The following CSF1R variants were observed in gnomAD, a reference collection of about 807,000 sequenced individuals.
The protein encoded by CSF1R is macrophage colony-stimulating factor 1 receptor.
Under a neutral mutation model 110.0 loss-of-function variants are expected in CSF1R, and 40 were observed. The observed-to-expected ratio is 0.36, with a 90% CI of 0.28 to 0.47. The LOEUF is 0.47. CSF1R is among the 20% of genes least tolerant of loss of function. The probability of loss-of-function intolerance (pLI) is 0.99; values close to 1 mark genes in which losing one functional copy is unlikely to be tolerated. For missense variants in CSF1R, 1,052 were observed against 1,253.0 expected (o/e 0.84, Z 2.42); for synonymous variants, 523 against 503.4 (o/e 1.04, Z -0.52).
At chr5:150,071,832 T>C (rs1758046540) in intron 6 of CSF1R, among the ~76,000 whole-genome samples, 1 of 152,188 alleles carries the variant, frequency 6.6e-6, no homozygotes, top group Non-Finnish European at 1.5e-5. Flanking sequence ...GACAGAGACC[T>C]GGCCAGAAAG....
chr5:150,085,326 G>A (rs994042029), intron 1 of CSF1R, among the ~76,000 whole-genome samples: 2 of 148,554 alleles, frequency 1.3e-5, no homozygotes, highest in Admixed American at 1.4e-4. Context: ...GATTGCCTGG[G>A]CCAGAGAAGG....
At chr5:150,082,005 C>T (rs989635382) in intron 1 of CSF1R, among the ~76,000 whole-genome samples, 10 of 152,192 alleles carry the variant, frequency 6.6e-5, no homozygotes, top group African/African-American at 2.2e-4. Flanking sequence ...ACATTGTTGG[C>T]GTCAGGCTCA....
At chr5:150,088,529 TTTTC>T (rs1359858581), upstream of CSF1R, among the ~76,000 whole-genome samples, 9 of 151,924 alleles carry the variant, frequency 5.9e-5, no homozygotes, top group Non-Finnish European at 1.2e-4. Flanking sequence ...CTTTTTTTTT[TTTTC>T]TTTCTTTCTT....
At chr5:150,083,316 C>T (rs1289613924) in intron 1 of CSF1R, among the ~76,000 whole-genome samples, 3 of 149,488 alleles carry the variant, frequency 2.0e-5, no homozygotes, top group African/African-American at 7.4e-5. Flanking sequence ...TCATCACTTC[C>T]AGAATGTGCC....
chr5:150,079,243 C>T (rs1373038023), intron 3 of CSF1R, among the ~76,000 whole-genome samples: 2 of 152,234 alleles, frequency 1.3e-5, no homozygotes, highest in Admixed American at 1.3e-4. Flanking sequence ...TCTGCCCACA[C>T]AGCTGGGGTC....
At position 150,061,471 on chromosome 5, in the gene CSF1R, C is replaced by T. The variant is rs1279199505; in HGVS notation, c.1858+20G>A. 4.4e-6 allele frequency: 4 copies of T among 908,852 alleles called. No homozygotes were observed. The highest frequency in any genetic ancestry group is 3.4e-5 in the East Asian group (1 of 29,292). 56.3% of individuals were successfully genotyped at this position (908,852 alleles called of 1,614,324 possible). A position where few individuals can be genotyped will look rare whatever the true frequency, so the allele number is the denominator to read the frequency against. ...ATCTACCACCCCCCATCCCTTCCCTCATCCCCTCCCCTCACTCACACTTCA... is the reference window on the plus strand; with the variant it reads ...ATCTACCACCCCCCATCCCTTCCCTTATCCCCTCCCCTCACTCACACTTCA... On this transcript the variant is annotated intron_variant, in intron 12 of 20. Transcript: ENST00000675795.
upstream of CSF1R, chr5:150,086,718 G>T (rs1021065706): frequency 8.9e-5 from 35 of 391,532 alleles, no homozygotes; most frequent in East Asian, 1.9e-4. Context: ...CCTGAGCTTG[G>T]GGGGAGCTAG....
intron 1 of CSF1R, among the ~76,000 whole-genome samples, chr5:150,104,932 G>T (rs940328572): frequency 6.6e-6 from 1 of 151,198 alleles, no homozygotes; most frequent in Non-Finnish European, 1.5e-5. Context: ...AGGCTGGAGT[G>T]CAGTGGCGTG....
At chr5:150,112,076 T>C (rs1759736382) in intron 1 of CSF1R, among the ~76,000 whole-genome samples, 1 of 151,760 alleles carries the variant, frequency 6.6e-6, no homozygotes, top group African/African-American at 2.4e-5. Context: ...TTAACCTTTG[T>C]ATGGAAAATG....
At chr5:150,105,380 ATATATT>A (rs1454027319) in intron 1 of CSF1R, among the ~76,000 whole-genome samples, 86 of 85,854 alleles carry the variant, frequency 1.0e-3, no homozygotes, top group African/African-American at 3.8e-3. Context: ...ATATATATAT[ATATATT>A]TTTTTTTTTT....
chr5:150,059,642 C>A, intron 14 of CSF1R, 58 bp downstream of exon 14: 2 of 1,589,218 alleles, frequency 1.3e-6, no homozygotes, highest in Non-Finnish European at 1.7e-6. Context: ...GCTTTGAAGA[C>A]AGACTCGGAT....
At chr5:150,073,896 C>T (rs190990676) in intron 5 of CSF1R, among the ~76,000 whole-genome samples, 22 of 152,298 alleles carry the variant, frequency 1.4e-4, no homozygotes, top group Non-Finnish European at 2.6e-4. Flanking sequence ...TTAGTCAATG[C>T]GGCTTCCAAA....
At position 150,086,373 on chromosome 5, in the gene CSF1R, TCTTACCATGC is replaced by T; in HGVS notation, c.45_49+5del. The T allele has an allele frequency of 1.2e-6, 2 of 1,606,338 alleles. No individual in the cohort carries two copies. The highest frequency in any genetic ancestry group is 1.7e-6 in the Non-Finnish European group (2 of 1,176,456). ...CAAAGTCCCCCACCCCCCGTTCTGC[TCTTACCATGC>T]CAAGCTGTGGCCACCAGCAGGAGCA... On this transcript the variant is annotated splice_donor_variant and splice_donor_5th_base_variant and coding_sequence_variant and intron_variant, in exon 1 of 21. Transcript: ENST00000675795. LOFTEE classifies it high-confidence loss of function.
chr5:150,076,812 C>T (rs1325748177), intron 5 of CSF1R: 18 of 234,976 alleles, frequency 7.7e-5, no homozygotes, highest in South Asian at 4.3e-4. Context: ...CCCTTCTGCC[C>T]GGCCAACTCA....
chr5:150,101,213 C>A (rs1451093659), intron 1 of CSF1R, among the ~76,000 whole-genome samples: 5 of 152,190 alleles, frequency 3.3e-5, no homozygotes, highest in Admixed American at 2.6e-4. Context: ...TTGCATGTTT[C>A]TCCTTGCCTG....
intron 9 of CSF1R, among the ~76,000 whole-genome samples, chr5:150,069,018 T>A (rs1757910748): frequency 6.6e-6 from 1 of 152,060 alleles, no homozygotes; most frequent in Non-Finnish European, 1.5e-5. Flanking sequence ...ATCGAGATAA[T>A]CCCCACAAAG....
At chr5:150,054,890 T>C (rs998739777) in intron 19 of CSF1R, 3 of 264,324 alleles carry the variant, frequency 1.1e-5, no homozygotes, top group African/African-American at 2.3e-5. Context: ...TTTGGGAGGC[T>C]GAGGCCAAAG....
chr5:150,066,969 C>A (rs545699821), intron 10 of CSF1R: 2 of 153,408 alleles, frequency 1.3e-5, no homozygotes, highest in South Asian at 2.1e-4. Context: ...TCCTCATCCT[C>A]CAAAGCCCGT....
At chr5:150,092,097 G>A (rs562676273) in intron 1 of CSF1R, among the ~76,000 whole-genome samples, 6 of 152,288 alleles carry the variant, frequency 3.9e-5, no homozygotes, top group Non-Finnish European at 5.9e-5. Flanking sequence ...GTGGCCATAC[G>A]GTCTTTGGGG....
Sources: allele counts gnomAD v4.1 joint callset (sites outside exome capture counted in the v4.1 genomes callset), GRCh38; gene constraint gnomAD v4.1.1; transcripts MANE v1.5; gene names NCBI Gene and HGNC (gene_info 2026-07-23, HGNC 2026-07-21).